The following HK3 variants were observed in gnomAD, a reference collection of about 807,000 sequenced individuals.
HK3 encodes the protein hexokinase 3.
In HK3, 93 loss-of-function variants were observed where a neutral mutation model predicts 91.0. The ratio of observed to expected loss-of-function variants is 1.02; its 90% confidence interval spans 0.86 to 1.21. The LOEUF is 1.21. HK3 is among the 50% of genes most tolerant of loss of function. The pLI, the probability that HK3 is intolerant of heterozygous loss-of-function variation, is 0.00. For synonymous variants in HK3, 519 were observed against 516.9 expected (o/e 1.00, Z -0.06); for missense variants, 1,235 against 1,247.4 (o/e 0.99, Z 0.15).
chr5:176,883,344 C>A (rs1050916830), intron 15 of HK3, among the ~76,000 whole-genome samples: 1 of 152,196 alleles, frequency 6.6e-6, no homozygotes, highest in African/African-American at 2.4e-5. Context: ...TACCATGAGC[C>A]AGGGACCATG....
At chr5:176,893,127 C>G (rs758999594) in intron 2 of HK3, among the ~76,000 whole-genome samples, 1 of 152,140 alleles carries the variant, frequency 6.6e-6, no homozygotes, top group Non-Finnish European at 1.5e-5. Flanking sequence ...CCCCTCTGAG[C>G]CCCAGCTGCC....
Position 176,887,822 on chromosome 5 carries a change from G to A in HK3, c.1305-76C>T. The A allele has an allele frequency of 6.7e-7, 1 of 1,487,948 alleles. No homozygotes were observed. The highest frequency in any genetic ancestry group is 1.3e-5 in the South Asian group (1 of 78,042). The allele number at this position is 1,487,948 out of a possible 1,614,324, so 92.2% of individuals were successfully genotyped here. A position where few individuals can be genotyped will look rare whatever the true frequency, so the allele number is the denominator to read the frequency against. ...CACAGGTGTGCACGGCTTGGCCCTGGACCCCCAGATACATACAGGTGTGCC... is the reference window on the plus strand; with the variant it reads ...CACAGGTGTGCACGGCTTGGCCCTGAACCCCCAGATACATACAGGTGTGCC... On this transcript the variant is annotated intron_variant, in intron 10 of 18. Transcript: ENST00000292432. The surrounding 1 kb of genome is among the most constrained non-coding windows in gnomAD (Gnocchi z 4.9).
chr5:176,882,140 C>T lies in HK3; in HGVS notation c.2054-13G>A, dbSNP rs1758453822. 1.2e-6 allele frequency: 2 copies of T among 1,612,094 alleles called. No individual in the cohort carries two copies. The highest frequency in any genetic ancestry group is 8.5e-7 in the Non-Finnish European group (1 of 1,179,704). ...TTGGTGCCGGTTCCTGCAGAGAGGC[C>T]AGACAACGTGGAAGCTACTTACTGA... is the stretch of plus-strand genomic sequence containing the variant. On this transcript the variant is annotated splice_polypyrimidine_tract_variant and intron_variant, in intron 15 of 18. Coordinates refer to ENST00000292432, the MANE Select transcript of HK3 (RefSeq NM_002115.3).
chr5:176,896,924 G>A (rs1758921745), intron 1 of HK3, among the ~76,000 whole-genome samples: 1 of 146,004 alleles, frequency 6.8e-6, no homozygotes, highest in Non-Finnish European at 1.5e-5. Flanking sequence ...TTTATGAGAT[G>A]TAGTGTGCAA....
Position 176,881,987 on chromosome 5 carries a change from C to G in HK3, c.2194G>C (p.Asp732His). Residue 732 changes from aspartate to histidine, a missense_variant, in exon 16 of 19, where the codon GAT (aspartate) becomes CAT (histidine). Transcript: ENST00000292432. ...GSLAMLSTRFDASVDQASINP... is the reference protein window; with the variant it reads ...GSLAMLSTRFHASVDQASINP... ...ATGGACGCCTGGTCCACACTTGCAT[C>G]AAAGCGGGTGCTGAGCATGGCCAGA... The G allele has an allele frequency of 6.2e-7, 1 of 1,613,590 alleles. No homozygotes were observed. Among genetic ancestry groups the G allele is most frequent in the Non-Finnish European group, 8.5e-7 (1 of 1,180,038 alleles).
chr5:176,896,795 C>T (rs1470762881), intron 1 of HK3, among the ~76,000 whole-genome samples: 1 of 152,132 alleles, frequency 6.6e-6, no homozygotes, highest in Non-Finnish European at 1.5e-5. Flanking sequence ...GTGACCTGAC[C>T]TTGGACGTCA....
At chr5:176,889,816 G>A in intron 6 of HK3, 72 bp from the exon 7 acceptor site, 2 of 1,315,948 alleles carry the variant, frequency 1.5e-6, no homozygotes, top group South Asian at 1.2e-5. Context: ...GGATGGGCAG[G>A]GCTGGGGCCC....
rs1237315076 is a variant in HK3, at chr5:176,890,875, G to T, written c.481C>A (p.Leu161Met). Residue 161 changes from leucine to methionine, a missense_variant, in exon 5 of 19, where the codon CTG becomes ATG. This residue lies in a region of HK3 where 717 missense variants were observed against 751.6 expected (regional missense o/e 0.95). Coordinates refer to ENST00000292432, the MANE Select transcript of HK3 (RefSeq NM_002115.3). Reference protein sequence around the residue: ...LDAQPVNKQGLQLGFSFSFPC... With the variant: ...LDAQPVNKQGMQLGFSFSFPC... ...AAAGAGAAGCTGAAGCCAAGCTGCA[G>T]ACCCTGTTTGTTCACAGGCTGCGCA... 6.2e-7 allele frequency: 1 copy of T among 1,614,092 alleles called. No individual in the cohort carries two copies. The highest frequency in any genetic ancestry group is 8.5e-7 in the Non-Finnish European group (1 of 1,180,038).
chr5:176,890,440 T>C (rs1359310693), intron 6 of HK3, among the ~76,000 whole-genome samples, 195 bp downstream of exon 6: 1 of 152,244 alleles, frequency 6.6e-6, no homozygotes, highest in Non-Finnish European at 1.5e-5. Context: ...TTTCTTAGCC[T>C]CAGTGTTTTT....
At chr5:176,889,800 T>G in intron 6 of HK3, 56 bp from the exon 7 acceptor site, 6 of 1,467,052 alleles carry the variant, frequency 4.1e-6, no homozygotes, top group Middle Eastern at 1.7e-4. Flanking sequence ...GAGGAGGGAA[T>G]CCAGGGGATG....
At position 176,889,867 on chromosome 5, in the gene HK3, C is replaced by T. The variant is rs529139236; in HGVS notation, c.631-123G>A. 15 of 732,338 alleles carry T rather than the reference C, an allele frequency of 2.0e-5. No homozygotes were observed. The African/African-American group carries it at 2.4e-4, about 12-fold the overall frequency. 45.4% of individuals were successfully genotyped at this position (732,338 alleles called of 1,614,324 possible). A position where few individuals can be genotyped will look rare whatever the true frequency, so the allele number is the denominator to read the frequency against. ...TACATAGAGTCCATGAAACACATGT[C>T]TGCATGCCACACACATTTGTGCCAC... On this transcript the variant is annotated intron_variant, in intron 6 of 18. Coordinates refer to ENST00000292432, the MANE Select transcript of HK3 (RefSeq NM_002115.3).
Position 176,881,209 on chromosome 5 carries a change from C to G in HK3, c.2636G>C (p.Ser879Thr). 6.2e-7 allele frequency: 1 copy of G among 1,613,184 alleles called. No homozygotes were observed. The highest frequency in any genetic ancestry group is 8.5e-7 in the Non-Finnish European group (1 of 1,179,938). ...TLYKLHPRFSSLVAATVRELA... is the reference protein window; with the variant it reads ...TLYKLHPRFSTLVAATVRELA... ...CTCCCGCACTGTGGCCGCCACCAGG[C>G]TGGAGAAGCTGTGAGAGGAGGGCTG... The change falls in exon 19 of 19, where the codon AGC becomes ACC. Residue 879 changes from serine (S) to threonine (T), a missense_variant. Transcript: ENST00000292432.
At chr5:176,897,149 T>C (rs929953905) in intron 1 of HK3, among the ~76,000 whole-genome samples, 1 of 152,198 alleles carries the variant, frequency 6.6e-6, no homozygotes, top group African/African-American at 2.4e-5. Flanking sequence ...CATTCAGATT[T>C]ATGTAGTTGA....
intron 15 of HK3, among the ~76,000 whole-genome samples, chr5:176,883,530 T>C (rs982930234): frequency 3.3e-5 from 5 of 152,120 alleles, no homozygotes; most frequent in African/African-American, 4.8e-5. Flanking sequence ...AAGCTCAGAT[T>C]CATTTATCAG....
At chr5:176,883,958 TC>T (rs1400633481) in intron 14 of HK3, 80 bp downstream of exon 14, 37 of 1,569,704 alleles carry the variant, frequency 2.4e-5, no homozygotes, top group Middle Eastern at 1.7e-4. Context: ...CGCAGAGGGC[TC>T]CCCCCTCAGA....
intron 15 of HK3, 51 bp from the exon 16 acceptor site, chr5:176,882,178 C>T (rs778353984): frequency 1.3e-6 from 2 of 1,590,942 alleles, no homozygotes; most frequent in Non-Finnish European, 1.7e-6. Flanking sequence ...TAGACAAGGA[C>T]CCTCTGAGCA....
In HK3 at chr5:176,884,171, A is replaced by C. The variant is rs1758521378; in HGVS notation, c.1858-37T>G. 1 of 1,531,156 alleles carries C rather than the reference A, an allele frequency of 6.5e-7. No homozygotes were observed. The highest frequency in any genetic ancestry group is 1.7e-5 in the Admixed American group (1 of 59,904). The allele number at this position is 1,531,156 out of a possible 1,614,324, so 94.8% of individuals were successfully genotyped here. A position where few individuals can be genotyped will look rare whatever the true frequency, so the allele number is the denominator to read the frequency against. ...CCGAGAGGAAGTGGCAGGAAGCTGG[A>C]GGCCCCTTCAGGCTCACTCTGCCTC... is the stretch of plus-strand genomic sequence containing the variant. On this transcript the variant is annotated intron_variant, in intron 13 of 18. Transcript: ENST00000292432. The surrounding 1 kb of genome is among the most constrained non-coding windows in gnomAD (Gnocchi z 4.1).
At position 176,881,541 on chromosome 5, in the gene HK3, G is replaced by T. The variant is rs1758428547; in HGVS notation, c.2394-6C>A. ...GCCGCAGGGCCAGGCTGTCACTGGG[G>T]GCCAGGAAGGAAGAGAGCACAGGGA... On this transcript the variant is annotated splice_region_variant and splice_polypyrimidine_tract_variant and intron_variant, in intron 17 of 18. Transcript: ENST00000292432. The T allele has an allele frequency of 6.3e-7, 1 of 1,599,632 alleles. No individual in the cohort carries two copies. The highest frequency in any genetic ancestry group is 1.3e-5 in the African/African-American group (1 of 74,804).
chr5:176,883,963 C>A lies in HK3; in HGVS notation c.1953+76G>T, dbSNP rs148264728. ...AGGTCTCTACCGCAGAGGGCTCCCC[C>A]CTCAGAAAGTAGGAGACTCTTTGCT... On this transcript the variant is annotated intron_variant, in intron 14 of 18. Transcript: ENST00000292432. 2.8e-4 allele frequency: 440 copies of A among 1,584,682 alleles called. 1 individual carries two copies. The Admixed American group carries it at 3.0e-3, about 11-fold the overall frequency.
Sources: allele counts gnomAD v4.1 joint callset (sites outside exome capture counted in the v4.1 genomes callset), GRCh38; gene constraint gnomAD v4.1.1; regional missense constraint gnomAD v4.1.1; non-coding constraint Gnocchi (gnomAD v3.1); transcripts MANE v1.5; gene names NCBI Gene and HGNC (gene_info 2026-07-23, HGNC 2026-07-21).